The following ABCC1 variants were observed in gnomAD, a reference collection of about 807,000 sequenced individuals.
ABCC1 encodes multidrug resistance-associated protein 1.
A neutral mutation model predicts 172.9 loss-of-function variants in ABCC1; 83 were observed. The ratio of observed to expected loss-of-function variants is 0.48; its 90% CI spans 0.40 to 0.58. The LOEUF (loss-of-function observed/expected upper bound fraction) is 0.58, where lower values mean the gene tolerates loss of function less well. Among genes scored for constraint, ABCC1 ranks in the 20% least tolerant of loss-of-function variants. The probability of loss-of-function intolerance (pLI) is 0.00; values close to 1 mark genes in which losing one functional copy is unlikely to be tolerated. For missense variants in ABCC1, 1,817 were observed against 2,002.7 expected, an observed-to-expected ratio of 0.91 and a Z score of 1.77; for synonymous variants, 937 against 825.2, an observed-to-expected ratio of 1.14 and a Z score of -2.32.
In ABCC1 at chr16:15,995,974, TAA is replaced by T. The variant is rs1441389842; in HGVS notation, c.49-11841_49-11840del. On this transcript the variant is annotated intron_variant, in intron 1 of 30. Coordinates refer to ENST00000399410, the MANE Select transcript of ABCC1 (RefSeq NM_004996.4). ...ACAGGTGTGTACCACCACGCCCAGC[TAA>T]GTTTTTTTTTTTTTTTTTTTTTTTT... Among the ~76,000 whole-genome samples, 4 of 144,156 alleles carry T rather than the reference TAA, an allele frequency of 2.8e-5. No individual in the cohort carries two copies. The Admixed American group carries it at 2.8e-4, about 10-fold the overall frequency. 94.6% of individuals were successfully genotyped at this position (144,156 alleles called of 152,430 possible).
At chr16:16,054,802 T>C (rs537314050) in intron 11 of ABCC1, among the ~76,000 whole-genome samples, 18 of 152,332 alleles carry the variant, frequency 1.2e-4, no homozygotes, top group African/African-American at 4.3e-4. Context: ...AGTGTCTGAA[T>C]ACATGTAAAA....
intron 1 of ABCC1, among the ~76,000 whole-genome samples, chr16:15,956,552 G>A (rs186692616): frequency 6.6e-6 from 1 of 152,098 alleles, no homozygotes; most frequent in African/African-American, 2.4e-5. Context: ...GCCGAGGCTG[G>A]TCTCAAACTC....
chr16:16,085,568 T>G (rs1453597643), intron 17 of ABCC1, among the ~76,000 whole-genome samples: 1 of 152,164 alleles, frequency 6.6e-6, no homozygotes. Flanking sequence ...TTGTCTGAGG[T>G]CAGGAGTTCG....
At chr16:15,979,829 G>A (rs559816293) in intron 1 of ABCC1, among the ~76,000 whole-genome samples, 1 of 152,194 alleles carries the variant, frequency 6.6e-6, no homozygotes, top group South Asian at 2.1e-4. Flanking sequence ...GACCTGGTGT[G>A]GTGTGTGCCT....
intron 5 of ABCC1, among the ~76,000 whole-genome samples, chr16:16,021,641 C>G (rs543632133): frequency 6.6e-6 from 1 of 152,052 alleles, no homozygotes; most frequent in Non-Finnish European, 1.5e-5. Flanking sequence ...TGCTTGTGCC[C>G]GGGAGGCGGA....
At chr16:16,108,558 A>G (rs1210606527) in intron 21 of ABCC1, among the ~76,000 whole-genome samples, 1 of 146,454 alleles carries the variant, frequency 6.8e-6, no homozygotes, top group Admixed American at 6.9e-5. Flanking sequence ...TATAGGCATG[A>G]GCCACTGCGC....
At position 16,052,823 on chromosome 16, in the gene ABCC1, CAT is replaced by C. The variant is rs1567352190; in HGVS notation, c.1473+8_1473+9del. ...GAAGACCAAGACGTATCAGGTAAGG[CAT>C]GTGTCTCTGCGGGCCCCCAAGCCGG... is the stretch of plus-strand genomic sequence containing the variant. On this transcript the variant is annotated splice_region_variant and intron_variant, in intron 11 of 30. Coordinates refer to ENST00000399410, the MANE Select transcript of ABCC1 (RefSeq NM_004996.4). The C allele has an allele frequency of 1.2e-6, 2 of 1,614,054 alleles. No individual in the cohort carries two copies. Among genetic ancestry groups the C allele is most frequent in the Non-Finnish European group, 1.7e-6 (2 of 1,179,928 alleles).
At chr16:16,054,025 A>G (rs2049542140) in intron 11 of ABCC1, among the ~76,000 whole-genome samples, 1 of 151,076 alleles carries the variant, frequency 6.6e-6, no homozygotes, top group African/African-American at 2.4e-5. Context: ...CCCAGGCTAG[A>G]GTGCAGTCGT....
chr16:15,991,782 G>C (rs1647133826), intron 1 of ABCC1, among the ~76,000 whole-genome samples: 1 of 152,126 alleles, frequency 6.6e-6, no homozygotes, highest in African/African-American at 2.4e-5. Context: ...CGACTCTGCA[G>C]TGGCCTTGAA....
intron 12 of ABCC1, among the ~76,000 whole-genome samples, chr16:16,065,589 C>T (rs1031090530): frequency 6.6e-6 from 1 of 152,136 alleles, no homozygotes; most frequent in Non-Finnish European, 1.5e-5. Context: ...CATGCCACCA[C>T]ACCCGGCTAA....
chr16:16,118,089 G>C (rs768728871), intron 23 of ABCC1, among the ~76,000 whole-genome samples: 6 of 152,204 alleles, frequency 3.9e-5, no homozygotes, highest in African/African-American at 1.4e-4. Flanking sequence ...CTAAGTGGGA[G>C]AGCTGAGAGT....
At chr16:15,989,307 C>G (rs138328260) in intron 1 of ABCC1, among the ~76,000 whole-genome samples, 6 of 152,086 alleles carry the variant, frequency 3.9e-5, no homozygotes, top group Admixed American at 6.6e-5. Context: ...TGCCAGGGCG[C>G]GTCACTGCCC....
At chr16:16,137,747 A>G (rs370772002) in intron 29 of ABCC1, among the ~76,000 whole-genome samples, 57 of 151,860 alleles carry the variant, frequency 3.8e-4, no homozygotes, top group African/African-American at 1.3e-3. Flanking sequence ...GAGATGGGGT[A>G]TCACCACATT....
chr16:16,092,100 T>C (rs1230568236), intron 19 of ABCC1, among the ~76,000 whole-genome samples: 3 of 152,078 alleles, frequency 2.0e-5, no homozygotes, highest in Non-Finnish European at 4.4e-5. Context: ...TATCCTGGCG[T>C]GGTGGCGCAC....
At chr16:16,106,435 C>T (rs370171903) in intron 20 of ABCC1, 233 of 183,748 alleles carry the variant, frequency 1.3e-3, no homozygotes, top group African/African-American at 5.5e-3. Context: ...AAAAAAAGCA[C>T]GCACTTTTTA....
At chr16:16,111,670 C>T (rs1208592565) in intron 22 of ABCC1, 88 bp downstream of exon 22, 18 of 1,271,642 alleles carry the variant, frequency 1.4e-5, no homozygotes, top group South Asian at 4.2e-5. Context: ...GAGTCCTCAG[C>T]GTTTTGTGGG....
chr16:16,017,733 A>G (rs139970806), intron 5 of ABCC1, among the ~76,000 whole-genome samples: 1 of 152,130 alleles, frequency 6.6e-6, no homozygotes, highest in East Asian at 1.9e-4. Flanking sequence ...TTAAATAGAG[A>G]TGGGATCTTG....
chr16:15,950,067 G>T (rs571722356), intron 1 of ABCC1, among the ~76,000 whole-genome samples: 35 of 152,204 alleles, frequency 2.3e-4, no homozygotes, highest in African/African-American at 8.4e-4. Flanking sequence ...GGTCAGAGCC[G>T]CCGTGAGGAG....
chr16:16,052,837 G>A (rs2049489224), intron 11 of ABCC1, 21 bp downstream of exon 11: 1 of 1,613,094 alleles, frequency 6.2e-7, no homozygotes, highest in Non-Finnish European at 8.5e-7. Flanking sequence ...TGTCTCTGCG[G>A]GCCCCCAAGC....
Sources: allele counts gnomAD v4.1 joint callset (sites outside exome capture counted in the v4.1 genomes callset), GRCh38; gene constraint gnomAD v4.1.1; transcripts MANE v1.5; gene names NCBI Gene and HGNC (gene_info 2026-07-23, HGNC 2026-07-21).